Variants in COL23A1 observed in about 807,000 individuals in gnomAD.
The protein encoded by COL23A1 is collagen type XXIII alpha 1 chain.
Under a neutral mutation model 99.3 loss-of-function variants are expected in COL23A1, and 97 were observed. The ratio of observed to expected loss-of-function variants is 0.98; its 90% CI spans 0.83 to 1.16. The LOEUF is 1.16. Ranked by LOEUF, COL23A1 falls within the 50% of genes most tolerant of loss-of-function variation. The pLI is 0.00. For missense variants in COL23A1, 762 were observed against 757.4 expected (o/e 1.01, Z -0.07); for synonymous variants, 320 against 308.2 (o/e 1.04, Z -0.40).
rs1756914338 is a variant in COL23A1 at position 178,281,812 on chromosome 5, G to A, written c.441+6512C>T. On this transcript the variant is annotated intron_variant, in intron 5 of 28. Coordinates refer to ENST00000390654, the MANE Select transcript of COL23A1 (RefSeq NM_173465.4). The surrounding 1 kb of genome is among the most constrained non-coding windows in gnomAD (Gnocchi z 4.0). ...TGCCTGTAATCCTAGCACTTTGGGA[G>A]GCCGAGGTGGTCAGATTGCCTGAGC... is the stretch of plus-strand genomic sequence containing the variant. 6.6e-6 allele frequency among the ~76,000 whole-genome samples: 1 copy of A among 152,094 alleles called. No homozygotes were observed. The highest frequency in any genetic ancestry group is 1.9e-4 in the East Asian group (1 of 5,192).
Position 178,237,694 on chromosome 5 carries a change from T to C in COL23A1, c.*1004A>G, listed in dbSNP as rs1193525239. On this transcript the variant is annotated 3_prime_UTR_variant, in exon 29 of 29. Coordinates refer to ENST00000390654, the MANE Select transcript of COL23A1 (RefSeq NM_173465.4). ...GGAAGGCAAGCAGCCAGGATGGAGCTGGTTGCTGGGAACACTTGCTGGAGG... is the reference window on the plus strand; with the variant it reads ...GGAAGGCAAGCAGCCAGGATGGAGCCGGTTGCTGGGAACACTTGCTGGAGG... The C allele has an allele frequency of 6.5e-6, 1 of 152,732 alleles. No individual in the cohort carries two copies. Among genetic ancestry groups the C allele is most frequent in the Non-Finnish European group, 1.5e-5 (1 of 68,106 alleles). 9.5% of individuals were successfully genotyped at this position (152,732 alleles called of 1,614,324 possible).
intron 2 of COL23A1, among the ~76,000 whole-genome samples, chr5:178,317,559 TTTTC>T (rs750755780): frequency 6.6e-6 from 1 of 152,258 alleles, no homozygotes; most frequent in South Asian, 2.1e-4. Context: ...GGTATGCAGA[TTTTC>T]TTTATCAACA....
intron 2 of COL23A1, among the ~76,000 whole-genome samples, chr5:178,517,586 G>T (rs1311467774): frequency 4.1e-5 from 3 of 73,900 alleles, no homozygotes; most frequent in Non-Finnish European, 6.4e-5. Flanking sequence ...TTTTGAGATG[G>T]AGTCTCACTC....
chr5:178,479,449 A>C (rs7729827), intron 2 of COL23A1, among the ~76,000 whole-genome samples: 39,825 of 152,038 alleles, frequency 0.26, 5,952 homozygotes, highest in East Asian at 0.64. Flanking sequence ...CGGCTCACCC[A>C]TGCGCCACAG....
chr5:178,497,447 C>A (rs995787002), intron 2 of COL23A1, among the ~76,000 whole-genome samples: 15 of 152,096 alleles, frequency 9.9e-5, no homozygotes, highest in African/African-American at 3.4e-4. Context: ...AGTAAGGAGT[C>A]CCACAAATGA....
intron 2 of COL23A1, chr5:178,523,711 A>C (rs1171075226): frequency 6.6e-6 from 1 of 152,088 alleles, no homozygotes; most frequent in Admixed American, 6.6e-5. Flanking sequence ...AAACCTGCAC[A>C]CTCTGAAAAA....
chr5:178,422,551 C>A (rs968468500), intron 2 of COL23A1, among the ~76,000 whole-genome samples: 5 of 152,140 alleles, frequency 3.3e-5, no homozygotes, highest in African/African-American at 1.2e-4. Flanking sequence ...ATCATCCCCC[C>A]GCTGTCTGCA....
At position 178,544,334 on chromosome 5, in the gene COL23A1, C is replaced by T. The variant is rs1399417532; in HGVS notation, c.361+16348G>A. ...CTGCTGGAGCTCCTGGATCCCAAGG[C>T]GGGGAAGGCAAGTCGGCGGATGCGC... On this transcript the variant is annotated intron_variant, in intron 2 of 28. Transcript: ENST00000390654. This position sits in a 1 kb window ranked among gnomAD's most constrained non-coding sequence, Gnocchi z 4.4. Among the ~76,000 whole-genome samples the T allele has an allele frequency of 2.6e-5, 4 of 152,176 alleles. No homozygotes were observed. Among genetic ancestry groups the T allele is most frequent in the African/African-American group, 4.8e-5 (2 of 41,448 alleles).
intron 2 of COL23A1, among the ~76,000 whole-genome samples, chr5:178,329,676 C>T (rs552995241): frequency 6.6e-6 from 1 of 152,352 alleles, no homozygotes; most frequent in South Asian, 2.1e-4. Context: ...CCCAGTGGCT[C>T]ACGCCTGTAA....
intron 2 of COL23A1, among the ~76,000 whole-genome samples, chr5:178,482,762 C>T (rs766965043): frequency 9.9e-5 from 15 of 152,074 alleles, no homozygotes; most frequent in Non-Finnish European, 1.9e-4. Context: ...ATCGGCCGGG[C>T]GTGGTGGCGG....
At chr5:178,244,040 C>T (rs1244505642) in intron 25 of COL23A1, among the ~76,000 whole-genome samples, 1 of 152,222 alleles carries the variant, frequency 6.6e-6, no homozygotes, top group Non-Finnish European at 1.5e-5. Context: ...AGCACAGTGG[C>T]ACGATCTCAG....
intron 2 of COL23A1, among the ~76,000 whole-genome samples, chr5:178,515,381 G>A (rs1194656720): frequency 6.6e-6 from 1 of 152,200 alleles, no homozygotes; most frequent in East Asian, 1.9e-4. Flanking sequence ...GTCCGCCCAG[G>A]GGCAGCACCA....
rs116210576 is a variant in COL23A1, at chr5:178,246,630, G to A, written c.1297-177C>T. 4.6e-3 allele frequency among the ~76,000 whole-genome samples: 701 copies of A among 152,228 alleles called. 4 individuals carry two copies. The highest frequency in any genetic ancestry group is 0.013 in the Admixed American group (204 of 15,278). On this transcript the variant is annotated intron_variant, in intron 22 of 28. Transcript: ENST00000390654. ...TGATCAGGAGGAGCTCTGGCCATGC[G>A]CATTGCGCCTTTTCCAGAACAGGCT...
chr5:178,469,629 G>T (rs1756632328), intron 2 of COL23A1, among the ~76,000 whole-genome samples: 1 of 152,094 alleles, frequency 6.6e-6, no homozygotes, highest in Non-Finnish European at 1.5e-5. Flanking sequence ...GCTGGGACCT[G>T]CCTTCATGTC....
chr5:178,364,314 C>T (rs914924628), intron 2 of COL23A1, among the ~76,000 whole-genome samples: 7 of 147,744 alleles, frequency 4.7e-5, no homozygotes, highest in African/African-American at 1.5e-4. Flanking sequence ...CTTCCTTCTT[C>T]CTCCTGATAT....
chr5:178,293,917 G>A (rs1757593684), intron 3 of COL23A1, among the ~76,000 whole-genome samples: 1 of 152,110 alleles, frequency 6.6e-6, no homozygotes, highest in African/African-American at 2.4e-5. Context: ...AGGCCACGGA[G>A]TCCAGAGGCC....
chr5:178,573,514 CA>C (rs1763208591), intron 1 of COL23A1, among the ~76,000 whole-genome samples: 1 of 152,250 alleles, frequency 6.6e-6, no homozygotes, highest in South Asian at 2.1e-4. Flanking sequence ...CGCATTTCCT[CA>C]AGGGTCCCTG....
At chr5:178,238,764 C>CACCTTGCCTG in intron 28 of COL23A1, 64 bp from the exon 29 acceptor site, 1 of 1,605,958 alleles carries the variant, frequency 6.2e-7, no homozygotes. Flanking sequence ...CCATCCAGGC[C>CACCTTGCCTG]ACCTTGCCTG....
chr5:178,248,411 C>T (rs1476447581), intron 19 of COL23A1, among the ~76,000 whole-genome samples, 157 bp from the exon 20 acceptor site: 5 of 152,208 alleles, frequency 3.3e-5, no homozygotes, highest in South Asian at 2.1e-4. Context: ...CCATGTGCCA[C>T]GCCCCGGGTG....
Sources: gnomAD v4.1 joint callset for allele counts (sites outside exome capture counted in the v4.1 genomes callset) on GRCh38, gnomAD v4.1.1 for gene constraint, Gnocchi (gnomAD v3.1) non-coding constraint, MANE v1.5 for transcripts, NCBI Gene and HGNC (gene_info 2026-07-23, HGNC 2026-07-21) for gene names.